The following SLC25A46 variants were observed in gnomAD, a reference collection of about 807,000 sequenced individuals.
SLC25A46 encodes solute carrier family 25 member 46.
In SLC25A46, 39 loss-of-function variants were observed where a neutral mutation model predicts 44.6. That is an observed-to-expected ratio of 0.87 (90% CI 0.68 to 1.14). The LOEUF is 1.14. SLC25A46 is among the 50% of genes most tolerant of loss of function. SLC25A46 has a pLI of 0.00. For synonymous variants in SLC25A46, 202 were observed against 185.8 expected (o/e 1.09, Z -0.71); for missense variants, 547 against 522.7 (o/e 1.05, Z -0.45).
Position 110,739,014 on chromosome 5 carries a change from A to T in SLC25A46, c.-106A>T. ...ACGTGACTTCCGGTTGTCAGAATTT[A>T]CCCCTGACGCGGCGGCGGCCGACGG... is the stretch of plus-strand genomic sequence containing the variant. On this transcript the variant is annotated 5_prime_UTR_variant, in exon 1 of 8. Coordinates refer to ENST00000355943, the MANE Select transcript of SLC25A46 (RefSeq NM_138773.4). 6.8e-7 allele frequency: 1 copy of T among 1,480,464 alleles called. No individual in the cohort carries two copies. Among genetic ancestry groups the T allele is most frequent in the African/African-American group, 1.4e-5 (1 of 70,208 alleles). 91.7% of individuals were successfully genotyped at this position (1,480,464 alleles called of 1,614,324 possible).
chr5:110,756,776 T>A lies in SLC25A46; in HGVS notation c.678+17T>A, dbSNP rs762524085. On this transcript the variant is annotated intron_variant, in intron 7 of 7. Coordinates refer to ENST00000355943, the MANE Select transcript of SLC25A46 (RefSeq NM_138773.4). ...ACAGTGCAGGTGAGCTTTTTTTTAC[T>A]GTCATTTTTTTTTTATTTAAGAATA... 1 of 1,503,542 alleles carries A rather than the reference T, an allele frequency of 6.7e-7. No individual in the cohort carries two copies. The highest frequency in any genetic ancestry group is 8.8e-7 in the Non-Finnish European group (1 of 1,130,050). The allele number at this position is 1,503,542 out of a possible 1,614,324, so 93.1% of individuals were successfully genotyped here. A position where few individuals can be genotyped will look rare whatever the true frequency, so the allele number is the denominator to read the frequency against.
chr5:110,761,862 A>C lies in SLC25A46; in HGVS notation c.*80A>C, dbSNP rs1466046139. On this transcript the variant is annotated 3_prime_UTR_variant, in exon 8 of 8. Coordinates refer to ENST00000355943, the MANE Select transcript of SLC25A46 (RefSeq NM_138773.4). The surrounding 1 kb of genome is among the most constrained non-coding windows in gnomAD (Gnocchi z 5.3). ...TGAAGTTATGAGGGATACAAGTGAA[A>C]TACTGGGGAAGAAAATGGATTGGAA... 2 of 1,144,678 alleles carry C rather than the reference A, an allele frequency of 1.7e-6. No individual in the cohort carries two copies. The highest frequency in any genetic ancestry group is 2.4e-6 in the Non-Finnish European group (2 of 826,126). 70.9% of individuals were successfully genotyped at this position (1,144,678 alleles called of 1,614,324 possible).
At chr5:110,748,062 G>A in intron 4 of SLC25A46, 101 bp from the exon 5 acceptor site, 1 of 717,382 alleles carries the variant, frequency 1.4e-6, no homozygotes, top group South Asian at 2.0e-5. Context: ...TTAGAATAAT[G>A]TTTTATTGGA....
Position 110,739,106 on chromosome 5 carries a change from C to G in SLC25A46, c.-14C>G. 6.5e-7 allele frequency: 1 copy of G among 1,544,562 alleles called. No homozygotes were observed. The highest frequency in any genetic ancestry group is 8.7e-7 in the Non-Finnish European group (1 of 1,146,330). ...GGGCTCCGGGCGGGCTCGCGTCATCCTGCCCCCGCTGCGATGCATCCGCGG... is the reference window on the plus strand; with the variant it reads ...GGGCTCCGGGCGGGCTCGCGTCATCGTGCCCCCGCTGCGATGCATCCGCGG... On this transcript the variant is annotated 5_prime_UTR_variant, in exon 1 of 8. Coordinates refer to ENST00000355943, the MANE Select transcript of SLC25A46 (RefSeq NM_138773.4).
At chr5:110,753,339 C>G (rs1243291803) in intron 5 of SLC25A46, 1 of 145,380 alleles carries the variant, frequency 6.9e-6, no homozygotes, top group African/African-American at 2.5e-5. Context: ...AGCTATTTGA[C>G]CATTTGAAAA....
chr5:110,751,346 G>A (rs543801738), intron 5 of SLC25A46, among the ~76,000 whole-genome samples: 1 of 152,326 alleles, frequency 6.6e-6, no homozygotes, highest in Non-Finnish European at 1.5e-5. Context: ...TAAAGGGCTA[G>A]AAACAGTGTC....
intron 1 of SLC25A46, among the ~76,000 whole-genome samples, chr5:110,740,920 C>A (rs1799671568): frequency 6.6e-6 from 1 of 152,208 alleles, no homozygotes; most frequent in African/African-American, 2.4e-5. Context: ...TCACTGCACT[C>A]CAGCCTGGGC....
intron 3 of SLC25A46, 91 bp downstream of exon 3, chr5:110,743,878 T>G: frequency 3.2e-6 from 3 of 942,682 alleles, no homozygotes; most frequent in Non-Finnish European, 3.2e-6. Context: ...ACCAGGTAAT[T>G]GTTACTTCAT....
Position 110,757,591 on chromosome 5 carries a change from G to GATT in SLC25A46, c.678+848_678+850dup, listed in dbSNP as rs911115137. On this transcript the variant is annotated intron_variant, in intron 7 of 7. Transcript: ENST00000355943. ...GCTGTATCATTCATCTTTGATTTAT[G>GATT]ATTATTATTATTATTATTTCTGTTA... Among the ~76,000 whole-genome samples, 8 of 151,792 alleles carry GATT rather than the reference G, an allele frequency of 5.3e-5. No individual in the cohort carries two copies. The South Asian group carries it at 1.3e-3, about 24-fold the overall frequency.
At chr5:110,742,155 C>A in intron 2 of SLC25A46, 66 bp downstream of exon 2, 2 of 1,133,570 alleles carry the variant, frequency 1.8e-6, no homozygotes, top group Non-Finnish European at 2.5e-6. Context: ...CTTTAATTTA[C>A]AATATTAAAT....
intron 5 of SLC25A46, among the ~76,000 whole-genome samples, chr5:110,749,062 G>A (rs1799891127): frequency 6.6e-6 from 1 of 152,274 alleles, no homozygotes; most frequent in South Asian, 2.1e-4. Flanking sequence ...AGAACAGAAA[G>A]GGATGAGCTG....
chr5:110,741,377 A>C (rs1799687161), intron 1 of SLC25A46, among the ~76,000 whole-genome samples: 1 of 152,190 alleles, frequency 6.6e-6, no homozygotes, highest in Non-Finnish European at 1.5e-5. Context: ...AGCTAGCCTC[A>C]AACTATTTAA....
chr5:110,742,252 T>G (rs1799709701), intron 2 of SLC25A46, among the ~76,000 whole-genome samples, 163 bp downstream of exon 2: 1 of 152,138 alleles, frequency 6.6e-6, no homozygotes, highest in Admixed American at 6.5e-5. Context: ...TGACCATTAT[T>G]TAAAATATAT....
At chr5:110,741,882 A>G in intron 1 of SLC25A46, 165 bp from the exon 2 acceptor site, 4 of 571,002 alleles carry the variant, frequency 7.0e-6, no homozygotes, top group East Asian at 6.2e-5. Flanking sequence ...TCCTTCATTC[A>G]TTTAAATTAT....
rs763282959 is a variant in SLC25A46, at chr5:110,756,689, T to C, written c.621-13T>C. The C allele has an allele frequency of 1.0e-5, 16 of 1,568,492 alleles. No individual in the cohort carries two copies. The Admixed American group carries it at 1.8e-4, about 18-fold the overall frequency. The stretch of plus-strand genomic sequence containing the variant: ...GTTTCAGTATACTGATAAATTTGTT[T>C]TAATTTCTATAGCCTAACTTACGTG... On this transcript the variant is annotated splice_polypyrimidine_tract_variant and intron_variant, in intron 6 of 7. Coordinates refer to ENST00000355943, the MANE Select transcript of SLC25A46 (RefSeq NM_138773.4).
At position 110,749,652 on chromosome 5, in the gene SLC25A46, G is replaced by A. The variant is rs546631046; in HGVS notation, c.563+1389G>A. ...GAAGTGTAGATACATTTGAGAGAGA[G>A]GGTAGAGAAATTAGGGAAATTTGCT... is the stretch of plus-strand genomic sequence containing the variant. On this transcript the variant is annotated intron_variant, in intron 5 of 7. Coordinates refer to ENST00000355943, the MANE Select transcript of SLC25A46 (RefSeq NM_138773.4). Among the ~76,000 whole-genome samples, 12 of 151,924 alleles carry A rather than the reference G, an allele frequency of 7.9e-5. No homozygotes were observed. The South Asian group carries it at 2.5e-3, about 32-fold the overall frequency.
intron 7 of SLC25A46, among the ~76,000 whole-genome samples, chr5:110,759,456 G>C (rs1486985994): frequency 6.6e-6 from 1 of 152,118 alleles, no homozygotes; most frequent in Non-Finnish European, 1.5e-5. Flanking sequence ...TGTGGCTGGT[G>C]CTAACTAAGC....
At chr5:110,745,002 T>C (rs1442582419) in intron 3 of SLC25A46, among the ~76,000 whole-genome samples, 9 of 152,202 alleles carry the variant, frequency 5.9e-5, no homozygotes, top group Non-Finnish European at 1.3e-4. Flanking sequence ...TCTCTATGGG[T>C]AAATGAGGTG....
At position 110,748,403 on chromosome 5, in the gene SLC25A46, A is replaced by C. The variant is rs1799875172; in HGVS notation, c.563+140A>C. 6 of 635,828 alleles carry C rather than the reference A, an allele frequency of 9.4e-6. No individual in the cohort carries two copies. The East Asian group carries it at 1.7e-4, about 18-fold the overall frequency. 39.4% of individuals were successfully genotyped at this position (635,828 alleles called of 1,614,324 possible). On this transcript the variant is annotated intron_variant, in intron 5 of 7. Coordinates refer to ENST00000355943, the MANE Select transcript of SLC25A46 (RefSeq NM_138773.4). ...ACTTCTAATGATCCTCTCATCCAAC[A>C]ATTCTCAATTGTGTAAACATCATAC...
Sources: allele counts gnomAD v4.1 joint callset (sites outside exome capture counted in the v4.1 genomes callset), GRCh38; gene constraint gnomAD v4.1.1; non-coding constraint Gnocchi (gnomAD v3.1); transcripts MANE v1.5; gene names NCBI Gene and HGNC (gene_info 2026-07-23, HGNC 2026-07-21).